The following SCN8A variants were observed in gnomAD, a reference collection of about 807,000 sequenced individuals.
The protein encoded by SCN8A is sodium channel protein type 8 subunit alpha.
SCN8A carries 30 observed loss-of-function variants against 184.1 expected under a neutral mutation model. The ratio of observed to expected loss-of-function variants is 0.16; its 90% CI spans 0.12 to 0.22. The LOEUF is 0.22. Among genes scored for constraint, SCN8A ranks in the 10% least tolerant of loss-of-function variants. The probability of loss-of-function intolerance (pLI) is 1.00; values close to 1 mark genes in which losing one functional copy is unlikely to be tolerated. For synonymous variants in SCN8A, 852 were observed against 907.0 expected, an observed-to-expected ratio of 0.94 and a Z score of 1.09; for missense variants, 1,057 against 2,498.9, an observed-to-expected ratio of 0.42 and a Z score of 12.30.
At chr12:51,673,432 T>G (rs996730717) in intron 2 of SCN8A, among the ~76,000 whole-genome samples, 1 of 152,202 alleles carries the variant, frequency 6.6e-6, no homozygotes, top group African/African-American at 2.4e-5. Context: ...TTCATTTGTT[T>G]TATACCATAC....
At chr12:51,755,413 T>C (rs1942658582) in intron 14 of SCN8A, among the ~76,000 whole-genome samples, 1 of 152,230 alleles carries the variant, frequency 6.6e-6, no homozygotes, top group Non-Finnish European at 1.5e-5. Flanking sequence ...CCTGGCTTTC[T>C]GGTACCACAA....
chr12:51,792,308 C>T (rs1453014473), intron 25 of SCN8A, among the ~76,000 whole-genome samples: 2 of 136,336 alleles, frequency 1.5e-5, no homozygotes, highest in South Asian at 2.4e-4. Flanking sequence ...CAGTGAAACC[C>T]CATCTGTACA....
intron 1 of SCN8A, among the ~76,000 whole-genome samples, chr12:51,598,025 A>G (rs953783112): frequency 6.6e-6 from 1 of 152,202 alleles, no homozygotes; most frequent in African/African-American, 2.4e-5. Context: ...ATACCCAGAA[A>G]TCACATTTGC....
At chr12:51,768,786 T>C (rs1298069910) in intron 16 of SCN8A, 79 bp from the exon 17 acceptor site, 2 of 1,190,160 alleles carry the variant, frequency 1.7e-6, no homozygotes, top group Non-Finnish European at 2.3e-6. Context: ...GTGAAGTCCA[T>C]TGGCTTCCAG....
chr12:51,665,046 T>TG (rs1272555547), intron 2 of SCN8A, among the ~76,000 whole-genome samples: 2 of 152,234 alleles, frequency 1.3e-5, no homozygotes, highest in Admixed American at 6.5e-5. Context: ...TCCATGTCCC[T>TG]GCAAAGGACA....
intron 9 of SCN8A, among the ~76,000 whole-genome samples, chr12:51,703,733 G>A (rs1941731083): frequency 6.6e-6 from 1 of 152,096 alleles, no homozygotes; most frequent in Admixed American, 6.6e-5. Context: ...GTGTCATTTG[G>A]TGATACCAGT....
At chr12:51,718,657 G>A (rs1258986373) in intron 11 of SCN8A, among the ~76,000 whole-genome samples, 1 of 152,146 alleles carries the variant, frequency 6.6e-6, no homozygotes, top group Non-Finnish European at 1.5e-5. Context: ...TCAGAAATGA[G>A]CTAAATCTGT....
intron 24 of SCN8A, 138 bp from the exon 25 acceptor site, chr12:51,790,260 A>G: frequency 3.5e-6 from 2 of 564,890 alleles, no homozygotes; most frequent in East Asian, 3.2e-5. Flanking sequence ...TCGCGGGTCT[A>G]CCCCACTCTG....
chr12:51,779,444 T>C (rs1053680139), intron 20 of SCN8A, among the ~76,000 whole-genome samples: 2 of 152,166 alleles, frequency 1.3e-5, no homozygotes, highest in Non-Finnish European at 2.9e-5. Context: ...AGGAAAGTGT[T>C]TGACCATACG....
At chr12:51,758,166 T>TA (rs1216385232) in intron 14 of SCN8A, among the ~76,000 whole-genome samples, 1 of 151,920 alleles carries the variant, frequency 6.6e-6, no homozygotes, top group East Asian at 1.9e-4. Flanking sequence ...TCTACAAAAA[T>TA]AAAAAAATTA....
chr12:51,688,874 A>G, intron 5 of SCN8A, 131 bp from the exon 6 acceptor site: 3 of 1,597,122 alleles, frequency 1.9e-6, no homozygotes, highest in South Asian at 1.1e-5. Context: ...GGTTGGTGTT[A>G]GGTGTTGGGA....
intron 1 of SCN8A, among the ~76,000 whole-genome samples, chr12:51,643,855 AGT>A: frequency 6.6e-6 from 1 of 152,292 alleles, no homozygotes; most frequent in Middle Eastern, 3.4e-3. Context: ...GACTTAGGAG[AGT>A]GTATCCTGAT....
chr12:51,595,359 G>T (rs1048111307), intron 1 of SCN8A, among the ~76,000 whole-genome samples: 5 of 152,226 alleles, frequency 3.3e-5, no homozygotes, highest in African/African-American at 9.6e-5. Flanking sequence ...AGACAAAGGA[G>T]AAGGTTTCTG....
intron 26 of SCN8A, among the ~76,000 whole-genome samples, chr12:51,805,187 A>G (rs565788770): frequency 4.6e-5 from 7 of 152,314 alleles, no homozygotes; most frequent in Middle Eastern, 3.4e-3. Context: ...AATTGTTAGA[A>G]TGAGTAATCT....
At chr12:51,730,146 A>G (rs1942217285) in intron 12 of SCN8A, among the ~76,000 whole-genome samples, 2 of 152,172 alleles carry the variant, frequency 1.3e-5, no homozygotes, top group African/African-American at 4.8e-5. Flanking sequence ...ACATGAAGAT[A>G]TTTTACTTCT....
chr12:51,715,551 T>C (rs555984826), intron 11 of SCN8A, among the ~76,000 whole-genome samples: 158 of 150,190 alleles, frequency 1.1e-3, no homozygotes, highest in African/African-American at 3.7e-3. Flanking sequence ...GGCAGATCAC[T>C]TGAGGCTGAG....
chr12:51,713,322 A>T, intron 11 of SCN8A: 1 of 1,095,914 alleles, frequency 9.1e-7, no homozygotes, highest in South Asian at 1.2e-5. Context: ...TGTGTGGTCA[A>T]GCACACATTG....
intron 11 of SCN8A, among the ~76,000 whole-genome samples, chr12:51,707,842 T>G (rs1941809809): frequency 6.6e-6 from 1 of 152,222 alleles, no homozygotes; most frequent in South Asian, 2.1e-4. Flanking sequence ...AACATCTGGT[T>G]TTTCTAATCC....
At chr12:51,671,825 T>C (rs1227173530) in intron 2 of SCN8A, among the ~76,000 whole-genome samples, 2 of 152,202 alleles carry the variant, frequency 1.3e-5, no homozygotes, top group Admixed American at 6.5e-5. Flanking sequence ...ATATGACAAT[T>C]TCTGCTAACT....
Sources: allele counts gnomAD v4.1 joint callset (sites outside exome capture counted in the v4.1 genomes callset), GRCh38; gene constraint gnomAD v4.1.1; transcripts MANE v1.5; gene names NCBI Gene and HGNC (gene_info 2026-07-23, HGNC 2026-07-21).